Variants in IKBKB-DT observed in about 807,000 individuals in gnomAD.
IKBKB-DT encodes the protein IKBKB antisense RNA.
intron 1 of IKBKB-DT, among the ~76,000 whole-genome samples, chr8:42,267,981 A>G (rs907084593): frequency 8.5e-5 from 13 of 152,202 alleles, no homozygotes; most frequent in African/African-American, 7.2e-5. Context: ...ACAGGAGCGC[A>G]GAGTAAACTT....
At chr8:42,271,200 G>A (rs1021046453) in exon 1 of IKBKB-DT, 20 of 577,174 alleles carry the variant, frequency 3.5e-5, no homozygotes, top group Non-Finnish European at 6.2e-5. Flanking sequence ...GGAGTCGCCC[G>A]GTCGAGGGTC....
chr8:42,251,335 C>G lies in IKBKB-DT; in HGVS notation n.1529+11994G>C, dbSNP rs148916858. ...CTGCATCCATTGGCTGGAGCAGGACCTCACAATCTTAAACTGATACCTGAT... is the reference window on the plus strand; with the variant it reads ...CTGCATCCATTGGCTGGAGCAGGACGTCACAATCTTAAACTGATACCTGAT... On this transcript the variant is annotated intron_variant and non_coding_transcript_variant, in intron 3 of 3. Transcript: ENST00000518213. 5.6e-3 allele frequency among the ~76,000 whole-genome samples: 857 copies of G among 152,286 alleles called. 4 individuals carry two copies. Among genetic ancestry groups the G allele is most frequent in the African/African-American group, 0.019 (784 of 41,548 alleles).
At chr8:42,254,399 G>A (rs1807167345) in intron 3 of IKBKB-DT, among the ~76,000 whole-genome samples, 2 of 152,174 alleles carry the variant, frequency 1.3e-5, no homozygotes, top group Non-Finnish European at 1.5e-5. Context: ...TCTGGGAAGT[G>A]AGGAGCGCCT....
intron 1 of IKBKB-DT, among the ~76,000 whole-genome samples, chr8:42,270,033 C>T (rs1005534106): frequency 6.6e-6 from 1 of 152,114 alleles, no homozygotes; most frequent in African/African-American, 2.4e-5. Flanking sequence ...GTAACCAGCC[C>T]CCGTGCCTCA....
At chr8:42,258,874 A>G (rs16891154) in intron 3 of IKBKB-DT, among the ~76,000 whole-genome samples, 5,534 of 152,222 alleles carry the variant, frequency 0.036, 338 homozygotes, top group African/African-American at 0.13. Context: ...TCATTAAGAA[A>G]TTAAGCAATC....
chr8:42,271,013 G>T (rs759799034), exon 1 of IKBKB-DT: 50 of 222,252 alleles, frequency 2.2e-4, no homozygotes, highest in Non-Finnish European at 2.9e-4. Context: ...AAGCCTAGGG[G>T]GCCGGGTGAA....
intron 3 of IKBKB-DT, among the ~76,000 whole-genome samples, chr8:42,246,194 G>A (rs1005541425): frequency 3.9e-5 from 6 of 152,118 alleles, no homozygotes; most frequent in Non-Finnish European, 4.4e-5. Context: ...ATGCCACCAT[G>A]CCGGGCTAAT....
At chr8:42,257,793 ATTTTT>A (rs946736490) in intron 3 of IKBKB-DT, among the ~76,000 whole-genome samples, 1 of 150,592 alleles carries the variant, frequency 6.6e-6, no homozygotes, top group Non-Finnish European at 1.5e-5. Context: ...TCAAAGGACA[ATTTTT>A]TTTTTAAAAG....
intron 3 of IKBKB-DT, among the ~76,000 whole-genome samples, chr8:42,242,812 G>A (rs1314174699): frequency 6.6e-6 from 1 of 152,238 alleles, no homozygotes; most frequent in Non-Finnish European, 1.5e-5. Flanking sequence ...AGGGACACTG[G>A]CTCTGGCCAT....
intron 1 of IKBKB-DT, among the ~76,000 whole-genome samples, chr8:42,266,676 A>T (rs1333316255): frequency 6.6e-6 from 1 of 152,168 alleles, no homozygotes; most frequent in East Asian, 1.9e-4. Flanking sequence ...TCTGCACAAG[A>T]TATAGGTCAT....
intron 3 of IKBKB-DT, among the ~76,000 whole-genome samples, chr8:42,252,676 T>G (rs1307993605): frequency 6.6e-6 from 1 of 152,204 alleles, no homozygotes; most frequent in Non-Finnish European, 1.5e-5. Context: ...CAAGATAGAT[T>G]TTTAAATAAA....
intron 3 of IKBKB-DT, among the ~76,000 whole-genome samples, chr8:42,237,657 G>A (rs1806942011): frequency 6.6e-6 from 1 of 151,976 alleles, no homozygotes; most frequent in African/African-American, 2.4e-5. Context: ...CCAAGTGGGG[G>A]ACTCTCTCCC....
Position 42,235,147 on chromosome 8 carries a change from C to CT in IKBKB-DT, n.1530-1289dup, listed in dbSNP as rs752996152. Among the ~76,000 whole-genome samples the CT allele has an allele frequency of 6.1e-4, 69 of 113,642 alleles. No homozygotes were observed. In the Middle Eastern group the frequency reaches 0.012, roughly 19 times the overall value. The allele number at this position is 113,642 out of a possible 152,430, so 74.6% of individuals were successfully genotyped here. On this transcript the variant is annotated intron_variant and non_coding_transcript_variant, in intron 3 of 3. Coordinates refer to ENST00000518213, the Ensembl canonical transcript of IKBKB-DT. ...TGGCCTTTTGATGTCAATTTTTTTT[C>CT]TTTTTTTTTTCTAACTCTTTTTACT...
chr8:42,236,502 A>G (rs1806923281), intron 3 of IKBKB-DT, among the ~76,000 whole-genome samples: 1 of 152,226 alleles, frequency 6.6e-6, no homozygotes, highest in South Asian at 2.1e-4. Context: ...GCAGTGTCTC[A>G]TGTCTGTAAT....
intron 3 of IKBKB-DT, among the ~76,000 whole-genome samples, chr8:42,251,944 C>T (rs1807133821): frequency 6.6e-6 from 1 of 152,074 alleles, no homozygotes; most frequent in Non-Finnish European, 1.5e-5. Flanking sequence ...GGAAAGAATT[C>T]ATCCAAGGGG....
At chr8:42,269,043 G>C (rs931648433) in intron 1 of IKBKB-DT, among the ~76,000 whole-genome samples, 5 of 151,880 alleles carry the variant, frequency 3.3e-5, no homozygotes, top group Non-Finnish European at 7.4e-5. Context: ...GGCCAGAAGC[G>C]GTGGCTCACA....
chr8:42,265,208 G>A (rs1001303943), intron 2 of IKBKB-DT, among the ~76,000 whole-genome samples: 2 of 152,130 alleles, frequency 1.3e-5, no homozygotes, highest in Non-Finnish European at 2.9e-5. Flanking sequence ...TGTTTCCCAC[G>A]CTGATTGTGA....
At chr8:42,251,575 C>T (rs1807128944) in intron 3 of IKBKB-DT, among the ~76,000 whole-genome samples, 1 of 151,618 alleles carries the variant, frequency 6.6e-6, no homozygotes. Flanking sequence ...GAAAGTTAGT[C>T]TTTAAAAGAA....
intron 3 of IKBKB-DT, among the ~76,000 whole-genome samples, chr8:42,262,481 C>T (rs1246861835): frequency 6.8e-6 from 1 of 146,028 alleles, no homozygotes; most frequent in South Asian, 2.1e-4. Context: ...ACTCTGTGGC[C>T]CAGGCTGGAG....
Sources: gnomAD v4.1 joint callset for allele counts (sites outside exome capture counted in the v4.1 genomes callset) on GRCh38, gnomAD v4.1.1 for gene constraint, MANE v1.5 for transcripts, NCBI Gene and HGNC (gene_info 2026-07-23, HGNC 2026-07-21) for gene names.